The following PGR variants were observed in gnomAD, a reference collection of about 807,000 sequenced individuals.
PGR encodes progesterone receptor, also known as nuclear receptor subfamily 3 group C member 3.
A neutral mutation model predicts 76.1 loss-of-function variants in PGR; 25 were observed. The ratio of observed to expected loss-of-function variants is 0.33; its 90% CI spans 0.24 to 0.46. The LOEUF (loss-of-function observed/expected upper bound fraction) is 0.46, where lower values mean the gene tolerates loss of function less well. PGR is among the 20% of genes least tolerant of loss of function. The pLI, the probability that PGR is intolerant of heterozygous loss-of-function variation, is 1.00. For synonymous variants in PGR, 579 were observed against 535.0 expected (o/e 1.08, Z -1.14); for missense variants, 1,172 against 1,225.3 (o/e 0.96, Z 0.65).
rs1862921035 is a variant in PGR, at chr11:101,127,854, A to C, written c.1217T>G (p.Val406Gly). ...GAAGGCTGCGGGGTTGGCACCGGCCACAAGGTAGGAACGCGGGGAGCGCGC... is the reference window on the plus strand; with the variant it reads ...GAAGGCTGCGGGGTTGGCACCGGCCCCAAGGTAGGAACGCGGGGAGCGCGC... ...ASARSPRSYL[V>G]AGANPAAFPD... is the part of the protein sequence containing the mutation. The change falls in exon 1 of 8, where the codon GTG (valine) becomes GGG (glycine). Residue 406 changes from valine (V) to glycine (G), a missense_variant. Physicochemically the swap from Val to Gly is moderately radical, Grantham distance 109 (BLOSUM62 -3). Transcript: ENST00000325455. 18 of 1,594,180 alleles carry C rather than the reference A, an allele frequency of 1.1e-5. No individual in the cohort carries two copies. Among genetic ancestry groups the C allele is most frequent in the African/African-American group, 4.0e-5 (3 of 74,742 alleles).
intron 3 of PGR, among the ~76,000 whole-genome samples, chr11:101,086,102 GCCAGTATCA>G (rs1861491548): frequency 6.6e-6 from 1 of 152,104 alleles, no homozygotes; most frequent in Non-Finnish European, 1.5e-5. Context: ...GTTTTCTGAA[GCCAGTATCA>G]CCCTGATACC....
intron 1 of PGR, among the ~76,000 whole-genome samples, chr11:101,126,429 T>A (rs529347806): frequency 1.3e-5 from 2 of 152,190 alleles, no homozygotes; most frequent in Admixed American, 1.3e-4. Context: ...TTAAAGTCGG[T>A]TAAAAGGAAA....
At chr11:101,087,160 C>G (rs756637711) in intron 3 of PGR, among the ~76,000 whole-genome samples, 1 of 152,174 alleles carries the variant, frequency 6.6e-6, no homozygotes, top group Non-Finnish European at 1.5e-5. Flanking sequence ...TCAGAGGCAT[C>G]ACATTACCCA....
At chr11:101,075,880 T>G (rs1861110455) in intron 3 of PGR, among the ~76,000 whole-genome samples, 1 of 152,156 alleles carries the variant, frequency 6.6e-6, no homozygotes, top group Non-Finnish European at 1.5e-5. Flanking sequence ...GCAGTGTAAA[T>G]TAGTTCAACC....
At chr11:101,098,630 G>A (rs1436109243) in intron 2 of PGR, among the ~76,000 whole-genome samples, 3 of 152,086 alleles carry the variant, frequency 2.0e-5, no homozygotes, top group Non-Finnish European at 2.9e-5. Context: ...AATGAAAGCT[G>A]GAGGAACAAA....
intron 3 of PGR, among the ~76,000 whole-genome samples, 195 bp downstream of exon 3, chr11:101,091,565 A>G (rs1222678082): frequency 6.6e-6 from 1 of 152,212 alleles, no homozygotes; most frequent in Non-Finnish European, 1.5e-5. Context: ...ACAGACCTCA[A>G]TGTGCTAGAA....
chr11:101,076,315 G>C (rs886087768), intron 3 of PGR, among the ~76,000 whole-genome samples: 1 of 151,704 alleles, frequency 6.6e-6, no homozygotes, highest in Non-Finnish European at 1.5e-5. Flanking sequence ...GGGATCTGTC[G>C]GGGGGTGGGG....
chr11:101,088,686 T>C (rs1861575867), intron 3 of PGR, among the ~76,000 whole-genome samples: 1 of 152,146 alleles, frequency 6.6e-6, no homozygotes, highest in African/African-American at 2.4e-5. Flanking sequence ...TTACTGGATA[T>C]ATAGCCAAAA....
At chr11:101,092,989 GC>G (rs948891489) in intron 2 of PGR, among the ~76,000 whole-genome samples, 24 of 152,250 alleles carry the variant, frequency 1.6e-4, no homozygotes, top group African/African-American at 5.5e-4. Flanking sequence ...ACTTAATCAA[GC>G]AGGGGAAAGG....
intron 2 of PGR, among the ~76,000 whole-genome samples, chr11:101,106,041 T>G (rs1411933511): frequency 6.6e-6 from 1 of 152,184 alleles, no homozygotes; most frequent in Non-Finnish European, 1.5e-5. Context: ...AAACTGAAAC[T>G]GGACCCCTTC....
At chr11:101,062,948 A>C in intron 3 of PGR, 196 bp from the exon 4 acceptor site, 1 of 480,496 alleles carries the variant, frequency 2.1e-6, no homozygotes, top group African/African-American at 2.0e-5. Context: ...ATTAAAAAAA[A>C]TTTAGGCCTC....
At chr11:101,072,706 A>G (rs996410391) in intron 3 of PGR, among the ~76,000 whole-genome samples, 7 of 152,234 alleles carry the variant, frequency 4.6e-5, no homozygotes, top group Non-Finnish European at 1.0e-4. Context: ...ACTTTAAACC[A>G]ACAAAGATCA....
intron 2 of PGR, among the ~76,000 whole-genome samples, chr11:101,104,920 A>G (rs1862104074): frequency 6.6e-6 from 1 of 152,192 alleles, no homozygotes; most frequent in Non-Finnish European, 1.5e-5. Flanking sequence ...GTGTTAAGTG[A>G]GACACTGGCA....
At chr11:101,091,283 C>G (rs980314955) in intron 3 of PGR, among the ~76,000 whole-genome samples, 14 of 152,112 alleles carry the variant, frequency 9.2e-5, no homozygotes, top group Non-Finnish European at 1.9e-4. Flanking sequence ...GGATTCCTAC[C>G]CCAGTTACAG....
intron 3 of PGR, among the ~76,000 whole-genome samples, chr11:101,075,874 T>C (rs1024922368): frequency 3.3e-5 from 5 of 152,270 alleles, no homozygotes; most frequent in African/African-American, 1.2e-4. Context: ...TTGGTGGCAG[T>C]GTAAATTAGT....
intron 2 of PGR, among the ~76,000 whole-genome samples, chr11:101,108,196 G>C (rs1302137361): frequency 6.6e-6 from 1 of 150,530 alleles, no homozygotes; most frequent in Non-Finnish European, 1.5e-5. Context: ...AGAGGTTGCA[G>C]TGAGCAGAGA....
intron 3 of PGR, among the ~76,000 whole-genome samples, chr11:101,068,457 G>A (rs1205824005): frequency 1.3e-5 from 2 of 152,084 alleles, no homozygotes; most frequent in Non-Finnish European, 2.9e-5. Context: ...GTAATTTATA[G>A]ATCCAATAAT....
chr11:101,120,497 C>T (rs944584403), intron 2 of PGR, among the ~76,000 whole-genome samples: 4 of 151,774 alleles, frequency 2.6e-5, no homozygotes, highest in Non-Finnish European at 5.9e-5. Flanking sequence ...TTAGTAATTC[C>T]TAAATATAAT....
At chr11:101,042,857 GT>G (rs1451703851) in intron 6 of PGR, among the ~76,000 whole-genome samples, 1 of 152,100 alleles carries the variant, frequency 6.6e-6, no homozygotes, top group Non-Finnish European at 1.5e-5. Context: ...TATTTAAAAA[GT>G]GAACACACCT....
Sources: gnomAD v4.1 joint callset for allele counts (sites outside exome capture counted in the v4.1 genomes callset) on GRCh38, gnomAD v4.1.1 for gene constraint, MANE v1.5 for transcripts, NCBI Gene and HGNC (gene_info 2026-07-23, HGNC 2026-07-21) for gene names.